MTOR: variants seen among roughly 807,000 people sequenced by gnomAD.
The protein encoded by MTOR is serine/threonine-protein kinase mTOR.
Under a neutral mutation model 319.8 loss-of-function variants are expected in MTOR, and 70 were observed. The observed-to-expected ratio is 0.22, with a 90% CI of 0.18 to 0.27. The LOEUF is 0.27. Ranked by LOEUF, MTOR falls within the 10% of genes least tolerant of loss-of-function variation. The pLI is 1.00. For missense variants in MTOR, 1,890 were observed against 3,274.4 expected (o/e 0.58, Z 10.32); for synonymous variants, 1,183 against 1,211.4 (o/e 0.98, Z 0.49).
chr1:11,226,341 G>A (rs911381667), intron 19 of MTOR: 1 of 152,110 alleles, frequency 6.6e-6, no homozygotes, highest in African/African-American at 2.4e-5. Context: ...AGGCAAATTT[G>A]TGAAGCATTC....
At chr1:11,203,377 T>C (rs181647682) in intron 26 of MTOR, among the ~76,000 whole-genome samples, 3 of 152,318 alleles carry the variant, frequency 2.0e-5, no homozygotes, top group East Asian at 1.9e-4. Flanking sequence ...ACATCTATTA[T>C]GTATCAATAA....
intron 28 of MTOR, among the ~76,000 whole-genome samples, chr1:11,184,686 T>G (rs756377575): frequency 2.0e-5 from 3 of 152,010 alleles, no homozygotes; most frequent in Non-Finnish European, 4.4e-5. Flanking sequence ...AGCTATATGA[T>G]TGCACTACAG....
intron 1 of MTOR, among the ~76,000 whole-genome samples, chr1:11,262,043 G>C (rs1025350111): frequency 6.6e-6 from 1 of 152,178 alleles, no homozygotes; most frequent in Non-Finnish European, 1.5e-5. Context: ...TCAGTTTCGG[G>C]GACTGGATCT....
chr1:11,121,564 G>C lies in MTOR; in HGVS notation c.6811-196C>G, dbSNP rs1642527178. On this transcript the variant is annotated intron_variant, in intron 48 of 57. Transcript: ENST00000361445. This position sits in a 1 kb window ranked among gnomAD's most constrained non-coding sequence, Gnocchi z 4.9. Reference sequence around the variant, plus strand: ...AACCTGATGACCACTGGAACCCCAAGGCATAAGGGAAAAACACGAGACTTC... The same window carrying C: ...AACCTGATGACCACTGGAACCCCAACGCATAAGGGAAAAACACGAGACTTC... Among the ~76,000 whole-genome samples the C allele has an allele frequency of 1.3e-5, 2 of 152,172 alleles. No homozygotes were observed. Among genetic ancestry groups the C allele is most frequent in the Non-Finnish European group, 2.9e-5 (2 of 68,018 alleles).
Position 11,157,067 on chromosome 1 carries a change from G to A in MTOR, c.4469+85C>T, listed in dbSNP as rs1207645528. The A allele has an allele frequency of 2.7e-6, 4 of 1,469,058 alleles. No homozygotes were observed. The East Asian group carries it at 9.6e-5, about 35-fold the overall frequency. 91.0% of individuals were successfully genotyped at this position (1,469,058 alleles called of 1,614,324 possible). On this transcript the variant is annotated intron_variant, in intron 30 of 57. Transcript: ENST00000361445. ...AATGAGTCTGAAGTGAGAACTCCGT[G>A]TGGGGGAAGCCTTCCTTTCAAATCC...
Position 11,234,331 on chromosome 1 carries a change from A to G in MTOR, c.2209-66T>C, listed in dbSNP as rs144865869. The G allele has an allele frequency of 1.5e-3, 2,239 of 1,523,282 alleles. 24 individuals carry two copies. The African/African-American group carries it at 0.026, about 17-fold the overall frequency. 94.4% of individuals were successfully genotyped at this position (1,523,282 alleles called of 1,614,324 possible). ...ACATTCTAGAGAGAGACTGTGTCCA[A>G]CAGAAAAAGTGGCAGGGAACTGGGG... On this transcript the variant is annotated intron_variant, in intron 13 of 57. Coordinates refer to ENST00000361445, the MANE Select transcript of MTOR (RefSeq NM_004958.4).
chr1:11,160,778 T>C (rs1342002934), intron 29 of MTOR, among the ~76,000 whole-genome samples: 1 of 152,216 alleles, frequency 6.6e-6, no homozygotes, highest in African/African-American at 2.4e-5. Flanking sequence ...ACCCTCATGA[T>C]TTATCTCAGT....
At position 11,107,061 on chromosome 1, in the gene MTOR, G is replaced by A. The variant is rs1557732492; in HGVS notation, c.*424C>T. 10 of 1,372,266 alleles carry A rather than the reference G, an allele frequency of 7.3e-6. No individual in the cohort carries two copies. The highest frequency in any genetic ancestry group is 9.6e-6 in the Non-Finnish European group (10 of 1,039,966). The allele number at this position is 1,372,266 out of a possible 1,614,324, so 85.0% of individuals were successfully genotyped here. Reference sequence around the variant, plus strand: ...TTTACAGTCTAGGATCCTAATCCATGTTCTCCACGACCTGAGGCTTCTTGG... The same window carrying A: ...TTTACAGTCTAGGATCCTAATCCATATTCTCCACGACCTGAGGCTTCTTGG... On this transcript the variant is annotated 3_prime_UTR_variant, in exon 58 of 58. Coordinates refer to ENST00000361445, the MANE Select transcript of MTOR (RefSeq NM_004958.4).
chr1:11,162,819 A>C (rs1386229087), intron 29 of MTOR, among the ~76,000 whole-genome samples: 1 of 152,220 alleles, frequency 6.6e-6, no homozygotes, highest in Non-Finnish European at 1.5e-5. Flanking sequence ...GGTACCAGCC[A>C]CTCCAAAAAC....
intron 29 of MTOR, among the ~76,000 whole-genome samples, chr1:11,162,101 A>G (rs1644495074): frequency 6.6e-6 from 1 of 152,236 alleles, no homozygotes; most frequent in African/African-American, 2.4e-5. Context: ...GACCTGATGG[A>G]GATGAAAACC....
chr1:11,255,331 C>T (rs1052326891), intron 5 of MTOR, among the ~76,000 whole-genome samples: 2 of 124,534 alleles, frequency 1.6e-5, no homozygotes, highest in African/African-American at 7.0e-5. Flanking sequence ...TACAGTGAGA[C>T]AAAATCACAC....
chr1:11,114,588 G>T (rs1180418823), intron 52 of MTOR, 135 bp from the exon 53 acceptor site: 8 of 1,306,568 alleles, frequency 6.1e-6, no homozygotes, highest in Non-Finnish European at 8.5e-6. Context: ...TGTCTTAGGA[G>T]AAGGAATCAG....
At chr1:11,198,682 C>G (rs1645865026) in intron 28 of MTOR, among the ~76,000 whole-genome samples, 1 of 152,158 alleles carries the variant, frequency 6.6e-6, no homozygotes, top group African/African-American at 2.4e-5. Flanking sequence ...TTCCTAACAG[C>G]AGAAAATTTA....
intron 36 of MTOR, among the ~76,000 whole-genome samples, chr1:11,138,275 G>A (rs1643524598): frequency 1.3e-5 from 2 of 152,098 alleles, no homozygotes; most frequent in South Asian, 4.1e-4. Context: ...AAATGCTCTG[G>A]CCTGGGAGGC....
intron 36 of MTOR, among the ~76,000 whole-genome samples, chr1:11,135,490 C>T (rs1643359151): frequency 6.6e-6 from 1 of 152,164 alleles, no homozygotes; most frequent in Non-Finnish European, 1.5e-5. Context: ...AGATAAATAA[C>T]AGTTCTCCTT....
rs1166716935 is a variant in MTOR at position 11,199,111 on chromosome 1, C to T, written c.4253+147G>A. The T allele has an allele frequency of 1.7e-5, 16 of 969,110 alleles. No homozygotes were observed. Among genetic ancestry groups the T allele is most frequent in the Admixed American group, 9.9e-5 (4 of 40,254 alleles). 60.0% of individuals were successfully genotyped at this position (969,110 alleles called of 1,614,324 possible). A position where few individuals can be genotyped will look rare whatever the true frequency, so the allele number is the denominator to read the frequency against. On this transcript the variant is annotated intron_variant, in intron 28 of 57. Transcript: ENST00000361445. The surrounding 1 kb of genome is among the most constrained non-coding windows in gnomAD (Gnocchi z 4.5). ...TCCTGGGGAGAGCCATCTGCAACAA[C>T]ATGTCATTTAAACATGCTGGCCAGA...
chr1:11,144,551 G>A lies in MTOR; in HGVS notation c.4872+97C>T, dbSNP rs1028722303. 1.3e-4 allele frequency: 130 copies of A among 977,440 alleles called. No individual in the cohort carries two copies. The African/African-American group carries it at 1.8e-3, about 13-fold the overall frequency. The allele number at this position is 977,440 out of a possible 1,614,324, so 60.5% of individuals were successfully genotyped here. ...TACACTGGTGGAGGAGGCAGGAAAA[G>A]CAAGTTGAGTAAGAGCCAGGGTGGA... On this transcript the variant is annotated intron_variant, in intron 34 of 57. Transcript: ENST00000361445.
At chr1:11,154,452 T>A (rs913045643) in intron 30 of MTOR, among the ~76,000 whole-genome samples, 2 of 151,530 alleles carry the variant, frequency 1.3e-5, no homozygotes, top group Non-Finnish European at 2.9e-5. Context: ...TAAAAATAAA[T>A]AAAAATCTTC....
intron 28 of MTOR, chr1:11,194,960 T>A: frequency 6.2e-7 from 1 of 1,614,074 alleles, no homozygotes; most frequent in Non-Finnish European, 8.5e-7. Flanking sequence ...ATGGCTGGCA[T>A]GGATCTACCT....
Sources: allele counts gnomAD v4.1 joint callset (sites outside exome capture counted in the v4.1 genomes callset), GRCh38; gene constraint gnomAD v4.1.1; non-coding constraint Gnocchi (gnomAD v3.1); transcripts MANE v1.5; gene names NCBI Gene and HGNC (gene_info 2026-07-23, HGNC 2026-07-21).